The following PDE1C variants were observed in gnomAD, a reference collection of about 807,000 sequenced individuals.
PDE1C encodes the protein dual specificity calcium/calmodulin-dependent 3',5'-cyclic nucleotide phosphodiesterase 1C.
PDE1C carries 62 observed loss-of-function variants against 93.1 expected under a neutral mutation model. The ratio of observed to expected loss-of-function variants is 0.67; its 90% CI spans 0.54 to 0.82. The LOEUF (loss-of-function observed/expected upper bound fraction) is 0.82, where lower values mean the gene tolerates loss of function less well. PDE1C is among the 40% of genes least tolerant of loss of function. The pLI, the probability that PDE1C is intolerant of heterozygous loss-of-function variation, is 0.00. For synonymous variants in PDE1C, 325 were observed against 310.1 expected, an observed-to-expected ratio of 1.05 and a Z score of -0.50; for missense variants, 742 against 884.6, an observed-to-expected ratio of 0.84 and a Z score of 2.04.
the PDE1C span, chr7:31,652,558 C>G: frequency 1.2e-6 from 2 of 1,609,228 alleles, no homozygotes; most frequent in East Asian, 2.2e-5. Flanking sequence ...GAACACTATT[C>G]AAATCTGCAT....
intron 5 of PDE1C, among the ~76,000 whole-genome samples, chr7:31,873,815 CAT>C (rs994867910): frequency 1.3e-5 from 2 of 152,168 alleles, no homozygotes; most frequent in South Asian, 2.1e-4. Flanking sequence ...AGAACACAAA[CAT>C]AGGTTGGATG....
At chr7:32,053,324 T>C (rs1178746412) in intron 1 of PDE1C, among the ~76,000 whole-genome samples, 3 of 152,190 alleles carry the variant, frequency 2.0e-5, no homozygotes, top group Non-Finnish European at 4.4e-5. Context: ...CTATGATGCA[T>C]GTGCACTGAT....
In PDE1C at chr7:32,403,729, C is replaced by A. The variant is rs60426068; in HGVS notation, c.310+24093G>T. Among the ~76,000 whole-genome samples the A allele has an allele frequency of 3.0e-3, 450 of 152,250 alleles. 2 individuals are homozygous for A. Among genetic ancestry groups the A allele is most frequent in the African/African-American group, 9.9e-3 (410 of 41,558 alleles). ...CGTCTTATACCCCCACGCTTTGGCA[C>A]GGAGCTCCCTCAATCGTCCTAAATT... is the stretch of plus-strand genomic sequence containing the variant. On this transcript the variant is annotated intron_variant, in intron 1 of 1. Transcript: ENST00000672256.
rs1800012896 is a variant in PDE1C, at chr7:31,901,781, A to G, written c.129-20921T>C. The stretch of plus-strand genomic sequence containing the variant: ...GTCAATATTGAGAAAACAATCTGAT[A>G]GAATAAATAGAATTTCCAGGAAAAA... On this transcript the variant is annotated intron_variant, in intron 2 of 17. Transcript: ENST00000396191. Among the ~76,000 whole-genome samples, 3 of 151,676 alleles carry G rather than the reference A, an allele frequency of 2.0e-5. No individual in the cohort carries two copies. The South Asian group carries it at 6.2e-4, about 31-fold the overall frequency.
At chr7:31,822,904 T>C (rs1789153251) in intron 14 of PDE1C, among the ~76,000 whole-genome samples, 169 bp downstream of exon 14, 1 of 152,216 alleles carries the variant, frequency 6.6e-6, no homozygotes, top group Non-Finnish European at 1.5e-5. Context: ...CTGCATTTTA[T>C]CATGCATTGA....
rs138602394 is a variant in PDE1C, at chr7:32,322,760, C to T, written c.310+105062G>A. ...CCTCCCAAGTAGCTGGGAATACAGG[C>T]GCCTGCCACCACACCTGGCTAATTT... On this transcript the variant is annotated intron_variant, in intron 1 of 1. Transcript: ENST00000672256. 3.2e-3 allele frequency among the ~76,000 whole-genome samples: 483 copies of T among 152,032 alleles called. 3 individuals are homozygous for T. The highest frequency in any genetic ancestry group is 0.011 in the African/African-American group (448 of 41,466).
chr7:32,226,092 T>C (rs933571911), intron 1 of PDE1C, among the ~76,000 whole-genome samples: 8 of 152,140 alleles, frequency 5.3e-5, no homozygotes, highest in African/African-American at 1.9e-4. Context: ...GTTGCTTCAA[T>C]TGTGTAACAG....
chr7:31,722,930 T>C, the PDE1C span, among the ~76,000 whole-genome samples: 1 of 152,232 alleles, frequency 6.6e-6, no homozygotes, highest in Admixed American at 6.5e-5. Context: ...GTGTGTCATA[T>C]GTTTTCTCAT....
the PDE1C span, among the ~76,000 whole-genome samples, chr7:31,690,962 A>T: frequency 2.0e-4 from 31 of 152,280 alleles, no homozygotes; most frequent in East Asian, 5.8e-3. Context: ...AATTGGTTAA[A>T]TAGGTGCATA....
At chr7:31,877,664 T>C (rs371050001) in intron 5 of PDE1C, among the ~76,000 whole-genome samples, 4 of 149,692 alleles carry the variant, frequency 2.7e-5, no homozygotes, top group African/African-American at 9.9e-5. Flanking sequence ...AGCCATAACA[T>C]ATTTGATCTC....
intron 2 of PDE1C, among the ~76,000 whole-genome samples, chr7:32,208,340 A>C (rs1805757981): frequency 6.6e-6 from 1 of 152,150 alleles, no homozygotes; most frequent in Admixed American, 6.5e-5. Context: ...TGCATGAGGA[A>C]TGCAGTGACT....
At chr7:31,782,126 A>G (rs1236665957) in intron 16 of PDE1C, among the ~76,000 whole-genome samples, 1 of 152,338 alleles carries the variant, frequency 6.6e-6, no homozygotes, top group South Asian at 2.1e-4. Context: ...TTAATTGCCC[A>G]ACAGCAGAGA....
chr7:32,246,549 C>A (rs1373794367), intron 1 of PDE1C, among the ~76,000 whole-genome samples: 1 of 152,056 alleles, frequency 6.6e-6, no homozygotes, highest in African/African-American at 2.4e-5. Flanking sequence ...AGAGAAGAAG[C>A]ACTTAGCAAA....
At chr7:32,230,357 C>T (rs145646841) in intron 1 of PDE1C, among the ~76,000 whole-genome samples, 92 of 152,266 alleles carry the variant, frequency 6.0e-4, no homozygotes, top group African/African-American at 2.2e-3. Flanking sequence ...AATTAAAATG[C>T]TTCTGTCTGA....
the PDE1C span, chr7:31,651,845 T>C: frequency 2.6e-6 from 2 of 779,766 alleles, no homozygotes; most frequent in South Asian, 1.8e-5. Context: ...TTTTAAGAAA[T>C]TGCAAAGGAA....
At chr7:32,107,577 GAACA>G (rs1798393989) in intron 3 of PDE1C, among the ~76,000 whole-genome samples, 1 of 152,084 alleles carries the variant, frequency 6.6e-6, no homozygotes, top group Admixed American at 6.6e-5. Context: ...CAAAAGTGAA[GAACA>G]AATAGGCTTT....
chr7:32,127,205 C>T (rs915312870), intron 3 of PDE1C, among the ~76,000 whole-genome samples: 1 of 152,158 alleles, frequency 6.6e-6, no homozygotes, highest in South Asian at 2.1e-4. Context: ...CATCTGCTCT[C>T]TCTGGTCACC....
chr7:31,792,639 T>C (rs1784716620), intron 16 of PDE1C, among the ~76,000 whole-genome samples: 1 of 152,092 alleles, frequency 6.6e-6, no homozygotes, highest in Admixed American at 6.6e-5. Context: ...AGCTTTGGCA[T>C]GGTTTGCAAA....
chr7:31,679,358 A>T, the PDE1C span, among the ~76,000 whole-genome samples: 1 of 152,244 alleles, frequency 6.6e-6, no homozygotes, highest in African/African-American at 2.4e-5. Context: ...TGCAGAAGTT[A>T]TAGCCGCTAT....
Sources: allele counts gnomAD v4.1 joint callset (sites outside exome capture counted in the v4.1 genomes callset), GRCh38; gene constraint gnomAD v4.1.1; transcripts MANE v1.5; gene names NCBI Gene and HGNC (gene_info 2026-07-23, HGNC 2026-07-21).